The following SPON1 variants were observed in gnomAD, a reference collection of about 807,000 sequenced individuals.
SPON1 encodes the protein spondin 1, also known as spondin-1.
SPON1 carries 52 observed loss-of-function variants against 111.7 expected under a neutral mutation model. That is an observed-to-expected ratio of 0.47 (90% CI 0.37 to 0.59). The LOEUF (loss-of-function observed/expected upper bound fraction) is 0.59. Among genes scored for constraint, SPON1 ranks in the 20% least tolerant of loss-of-function variants. The probability of loss-of-function intolerance (pLI) is 0.00; values close to 1 mark genes in which losing one functional copy is unlikely to be tolerated. For synonymous variants in SPON1, 410 were observed against 395.8 expected (o/e 1.04, Z -0.43); for missense variants, 957 against 1,068.5 (o/e 0.90, Z 1.46).
At chr11:14,029,682 CAGAA>C (rs1848544677) in intron 2 of SPON1, among the ~76,000 whole-genome samples, 1 of 152,148 alleles carries the variant, frequency 6.6e-6, no homozygotes, top group African/African-American at 2.4e-5. Context: ...GGGCGTTATT[CAGAA>C]AGAATCAGTC....
At chr11:14,089,705 G>A (rs1236944788) in intron 5 of SPON1, among the ~76,000 whole-genome samples, 1 of 152,188 alleles carries the variant, frequency 6.6e-6, no homozygotes, top group African/African-American at 2.4e-5. Context: ...GCACTCTTCA[G>A]AGCTGGCAGG....
intron 5 of SPON1, among the ~76,000 whole-genome samples, chr11:14,091,921 T>A (rs1349652559): frequency 6.9e-6 from 1 of 144,056 alleles, no homozygotes; most frequent in African/African-American, 2.5e-5. Context: ...TTGCTGGGGG[T>A]GGCGGGGCGG....
At chr11:13,989,639 G>A (rs776890153) in intron 2 of SPON1, among the ~76,000 whole-genome samples, 1 of 151,996 alleles carries the variant, frequency 6.6e-6, no homozygotes, top group East Asian at 1.9e-4. Flanking sequence ...TTTGATGTTA[G>A]GGTGTCAATT....
chr11:14,163,537 A>G (rs1847991828), intron 6 of SPON1, among the ~76,000 whole-genome samples: 3 of 151,356 alleles, frequency 2.0e-5, no homozygotes. Flanking sequence ...ATAGCCCCCC[A>G]GATTCTCCCC....
intron 2 of SPON1, among the ~76,000 whole-genome samples, chr11:14,007,918 ACT>A (rs1393891949): frequency 6.6e-6 from 1 of 151,866 alleles, no homozygotes; most frequent in Admixed American, 6.6e-5. Context: ...TCCCTCTGCC[ACT>A]CTCTTTTAAG....
intron 7 of SPON1, among the ~76,000 whole-genome samples, chr11:14,252,801 G>A (rs1479773693): frequency 6.6e-6 from 1 of 152,246 alleles, no homozygotes; most frequent in Admixed American, 6.5e-5. Flanking sequence ...AAAGATGAGT[G>A]GGCCCAGCAT....
intron 3 of SPON1, among the ~76,000 whole-genome samples, chr11:14,053,295 C>T (rs1425131121): frequency 6.6e-6 from 1 of 152,104 alleles, no homozygotes; most frequent in Admixed American, 6.5e-5. Flanking sequence ...GCAGTTTCTC[C>T]CCATTCTCCT....
intron 3 of SPON1, 134 bp downstream of exon 3, chr11:14,041,788 A>C: frequency 6.4e-6 from 6 of 930,260 alleles, no homozygotes; most frequent in South Asian, 1.7e-5. Flanking sequence ...CTGAATTCTC[A>C]ATAGCACCAT....
chr11:14,248,167 G>T (rs782675234), intron 7 of SPON1, among the ~76,000 whole-genome samples: 6 of 152,098 alleles, frequency 3.9e-5, no homozygotes, highest in African/African-American at 4.8e-5. Context: ...AGCCCTTTGG[G>T]TTTATCGACA....
chr11:14,090,824 G>GGCC (rs1849046409), intron 5 of SPON1, among the ~76,000 whole-genome samples: 2 of 45,580 alleles, frequency 4.4e-5, no homozygotes, highest in Non-Finnish European at 7.8e-5. Flanking sequence ...CTCTTATCTG[G>GGCC]CCCCCCCCCC....
At chr11:14,229,951 C>CGTGTGTGTGTGTGTGT (rs55709324) in intron 6 of SPON1, among the ~76,000 whole-genome samples, 2 of 144,970 alleles carry the variant, frequency 1.4e-5, no homozygotes, top group African/African-American at 5.2e-5. Context: ...TCTGTGTGTC[C>CGTGTGTGTGTGTGTGT]GTGTGTGTGT....
In SPON1 at chr11:14,161,271, G is replaced by GTATATATTTATATATTTATA. The variant is rs1847958769; in HGVS notation, c.825+25708_825+25709insATTTATATATTTATATATAT. ...TATATATTTATATATTTATATATCT[G>GTATATATTTATATATTTATA]TATATCTATATATATTTATATATTT... On this transcript the variant is annotated intron_variant, in intron 6 of 15. Coordinates refer to ENST00000576479, the MANE Select transcript of SPON1 (RefSeq NM_006108.4). Among the ~76,000 whole-genome samples the GTATATATTTATATATTTATA allele has an allele frequency of 1.9e-4, 2 of 10,448 alleles. 1 individual carries two copies. The allele number at this position is 10,448 out of a possible 152,430, so 6.9% of individuals were successfully genotyped here. A position where few individuals can be genotyped will look rare whatever the true frequency, so the allele number is the denominator to read the frequency against.
chr11:14,001,376 G>A (rs1848317764), intron 2 of SPON1, among the ~76,000 whole-genome samples: 1 of 152,138 alleles, frequency 6.6e-6, no homozygotes, highest in Non-Finnish European at 1.5e-5. Context: ...GGCATGGGAA[G>A]GGAAAAAGAA....
chr11:14,011,882 C>T (rs565129745), intron 2 of SPON1, among the ~76,000 whole-genome samples: 1 of 152,238 alleles, frequency 6.6e-6, no homozygotes, highest in African/African-American at 2.4e-5. Flanking sequence ...AGATTTGATT[C>T]CTGGCTCTCC....
chr11:14,220,086 CAAA>C (rs149757475), intron 6 of SPON1, among the ~76,000 whole-genome samples: 1,411 of 118,158 alleles, frequency 0.012, 19 homozygotes, highest in African/African-American at 0.033. Context: ...GCACTTGGAT[CAAA>C]AAAAAAAAAA....
At chr11:14,260,082 G>A (rs1849155362) in intron 13 of SPON1, among the ~76,000 whole-genome samples, 1 of 152,040 alleles carries the variant, frequency 6.6e-6, no homozygotes, top group Admixed American at 6.6e-5. Flanking sequence ...TTGTACATTG[G>A]ACTTGGCTGA....
intron 6 of SPON1, among the ~76,000 whole-genome samples, chr11:14,237,407 CAA>C (rs1554939296): frequency 1.3e-5 from 2 of 152,068 alleles, no homozygotes; most frequent in African/African-American, 4.8e-5. Flanking sequence ...GCAAAATGAG[CAA>C]CATGGGGGAG....
At chr11:14,039,176 G>A (rs1343221146) in intron 2 of SPON1, among the ~76,000 whole-genome samples, 2 of 152,184 alleles carry the variant, frequency 1.3e-5, no homozygotes, top group African/African-American at 4.8e-5. Context: ...ATTAGTGGTT[G>A]GGAAGAACAA....
At position 14,057,326 on chromosome 11, in the gene SPON1, C is replaced by A. The variant is rs1848752290; in HGVS notation, c.479+15672C>A. 1.3e-5 allele frequency among the ~76,000 whole-genome samples: 2 copies of A among 152,246 alleles called. 1 individual carries two copies. The highest frequency in any genetic ancestry group is 1.3e-4 in the Admixed American group (2 of 15,296). ...TAATTATGAGGAAACATCAGACAAG[C>A]TCAAATATTTTACAGAATAAATAAC... On this transcript the variant is annotated intron_variant, in intron 3 of 15. Transcript: ENST00000576479.
Sources: gnomAD v4.1 joint callset for allele counts (sites outside exome capture counted in the v4.1 genomes callset) on GRCh38, gnomAD v4.1.1 for gene constraint, MANE v1.5 for transcripts, NCBI Gene and HGNC (gene_info 2026-07-23, HGNC 2026-07-21) for gene names.